The following IMMP2L variants were observed in gnomAD, a reference collection of about 807,000 sequenced individuals.
The protein encoded by IMMP2L is inner mitochondrial membrane peptidase subunit 2.
A neutral mutation model predicts 19.3 loss-of-function variants in IMMP2L; 18 were observed. The ratio of observed to expected loss-of-function variants is 0.93; its 90% CI spans 0.64 to 1.38. The LOEUF is 1.38. Ranked by LOEUF, IMMP2L falls within the 40% of genes most tolerant of loss-of-function variation. The pLI is 0.00. For synonymous variants in IMMP2L, 76 were observed against 73.0 expected, an observed-to-expected ratio of 1.04 and a Z score of -0.21; for missense variants, 233 against 218.2, an observed-to-expected ratio of 1.07 and a Z score of -0.43.
At chr7:111,444,176 C>T (rs944481784) in intron 3 of IMMP2L, among the ~76,000 whole-genome samples, 2 of 151,998 alleles carry the variant, frequency 1.3e-5, no homozygotes, top group Non-Finnish European at 2.9e-5. Flanking sequence ...TCATTAATTA[C>T]ATTGTCCTTT....
chr7:110,837,798 T>G (rs529847972), intron 5 of IMMP2L, among the ~76,000 whole-genome samples: 3 of 152,232 alleles, frequency 2.0e-5, no homozygotes, highest in South Asian at 4.2e-4. Context: ...TGAATGACAG[T>G]GGAGACAAAC....
At chr7:110,849,650 T>C (rs553794368) in intron 5 of IMMP2L, among the ~76,000 whole-genome samples, 50 of 152,168 alleles carry the variant, frequency 3.3e-4, no homozygotes, top group African/African-American at 1.1e-3. Flanking sequence ...GTGACAGAAA[T>C]CAGTGCTAAA....
chr7:110,962,753 A>C, intron 4 of IMMP2L: 1 of 1,079,962 alleles, frequency 9.3e-7, no homozygotes, highest in South Asian at 4.3e-5. Flanking sequence ...TAATATGTGT[A>C]CTATCATTAA....
In IMMP2L at chr7:111,123,326, A is replaced by G; in HGVS notation, c.240-159761T>C. 1 of 1,613,820 alleles carries G rather than the reference A, an allele frequency of 6.2e-7. No homozygotes were observed. Among genetic ancestry groups the G allele is most frequent in the Non-Finnish European group, 8.5e-7 (1 of 1,179,910 alleles). On this transcript the variant is annotated intron_variant, in intron 3 of 5. Coordinates refer to ENST00000405709, the MANE Select transcript of IMMP2L (RefSeq NM_032549.4). This position sits in a 1 kb window ranked among gnomAD's most constrained non-coding sequence, Gnocchi z 6.4. ...CAGATGATCAACAGTAAGTGGTTTG[A>G]TGCTCTTCCAAATCTAGAGATTCTG...
At chr7:111,339,496 C>T (rs1432221174) in intron 3 of IMMP2L, among the ~76,000 whole-genome samples, 2 of 151,758 alleles carry the variant, frequency 1.3e-5, no homozygotes, top group Non-Finnish European at 2.9e-5. Context: ...CTAGGAAGAA[C>T]CAGCTTAGCC....
intron 3 of IMMP2L, among the ~76,000 whole-genome samples, chr7:111,409,455 T>A (rs1440493432): frequency 6.6e-6 from 1 of 151,804 alleles, no homozygotes; most frequent in Non-Finnish European, 1.5e-5. Flanking sequence ...TTTTCATTGT[T>A]AGGTCCCAAT....
At chr7:110,788,035 C>T (rs1033079444) in intron 5 of IMMP2L, among the ~76,000 whole-genome samples, 5 of 151,872 alleles carry the variant, frequency 3.3e-5, no homozygotes, top group African/African-American at 9.7e-5. Context: ...CCGATATCCC[C>T]GATCATTATT....
chr7:111,524,135 T>C (rs1170896781), intron 1 of IMMP2L, among the ~76,000 whole-genome samples: 1 of 152,114 alleles, frequency 6.6e-6, no homozygotes, highest in Non-Finnish European at 1.5e-5. Flanking sequence ...TAGATTTCAT[T>C]AGCTCAGTCT....
intron 3 of IMMP2L, among the ~76,000 whole-genome samples, chr7:111,470,985 A>C (rs1431655564): frequency 6.6e-6 from 1 of 152,102 alleles, no homozygotes; most frequent in Non-Finnish European, 1.5e-5. Flanking sequence ...ATATACAACA[A>C]AGGGCCAGAA....
At chr7:111,207,541 T>TG (rs1810850398) in intron 3 of IMMP2L, among the ~76,000 whole-genome samples, 1 of 141,596 alleles carries the variant, frequency 7.1e-6, no homozygotes, top group Admixed American at 7.0e-5. Flanking sequence ...TTGGTTTTTT[T>TG]TTTTTTTTTT....
At chr7:110,887,341 A>T (rs1010814138) in intron 4 of IMMP2L, among the ~76,000 whole-genome samples, 1 of 152,110 alleles carries the variant, frequency 6.6e-6, no homozygotes, top group Non-Finnish European at 1.5e-5. Flanking sequence ...AAAACATTCT[A>T]TATTAATGTT....
At chr7:111,175,854 G>A (rs1442033768) in intron 3 of IMMP2L, among the ~76,000 whole-genome samples, 1 of 151,864 alleles carries the variant, frequency 6.6e-6, no homozygotes, top group African/African-American at 2.4e-5. Flanking sequence ...CACAGGATGG[G>A]AGAAAATATT....
chr7:111,402,357 C>A (rs1833500399), intron 3 of IMMP2L, among the ~76,000 whole-genome samples: 1 of 151,842 alleles, frequency 6.6e-6, no homozygotes, highest in Non-Finnish European at 1.5e-5. Context: ...GAAATGGAAT[C>A]ATCCTTTTCC....
At chr7:111,286,605 A>G (rs1048932588) in intron 3 of IMMP2L, among the ~76,000 whole-genome samples, 2 of 152,354 alleles carry the variant, frequency 1.3e-5, no homozygotes, top group Non-Finnish European at 2.9e-5. Flanking sequence ...AAAGTGGCAT[A>G]GAGTTTGAGA....
rs571087959 is a variant in IMMP2L, at chr7:111,509,356, G to C, written c.135+11957C>G. ...TTCTCAAACAAGGGACAGACTATGG[G>C]GCTCCTTATCCTTCGTGTTGCACTT... On this transcript the variant is annotated intron_variant, in intron 2 of 5. Coordinates refer to ENST00000405709, the MANE Select transcript of IMMP2L (RefSeq NM_032549.4). 2.0e-5 allele frequency among the ~76,000 whole-genome samples: 3 copies of C among 152,218 alleles called. No individual in the cohort carries two copies. In the South Asian group the frequency reaches 6.2e-4, roughly 32 times the overall value.
chr7:110,684,851 C>T (rs933006005), intron 5 of IMMP2L, among the ~76,000 whole-genome samples: 1 of 152,004 alleles, frequency 6.6e-6, no homozygotes, highest in Non-Finnish European at 1.5e-5. Flanking sequence ...TAGAACCTGC[C>T]CTGCCTATGG....
chr7:111,128,633 T>C (rs1277381128), intron 3 of IMMP2L, among the ~76,000 whole-genome samples: 1 of 152,182 alleles, frequency 6.6e-6, no homozygotes, highest in Non-Finnish European at 1.5e-5. Flanking sequence ...AAGACCATCC[T>C]GGCCAACATG....
At chr7:111,504,701 G>A (rs964826032) in intron 2 of IMMP2L, among the ~76,000 whole-genome samples, 18 of 152,144 alleles carry the variant, frequency 1.2e-4, no homozygotes, top group Non-Finnish European at 2.6e-4. Context: ...TGACAAACCT[G>A]ACAAAAACAA....
intron 4 of IMMP2L, 113 bp downstream of exon 4, chr7:110,963,387 A>T: frequency 1.5e-6 from 1 of 686,128 alleles, no homozygotes; most frequent in East Asian, 2.7e-5. Flanking sequence ...GCTCATTTGG[A>T]ATGTCTCCAA....
Sources: gnomAD v4.1 joint callset for allele counts (sites outside exome capture counted in the v4.1 genomes callset) on GRCh38, gnomAD v4.1.1 for gene constraint, Gnocchi (gnomAD v3.1) non-coding constraint, MANE v1.5 for transcripts, NCBI Gene and HGNC (gene_info 2026-07-23, HGNC 2026-07-21) for gene names.